HIBCH: variants seen among roughly 807,000 people sequenced by gnomAD.
HIBCH encodes the protein 3-hydroxyisobutyryl-CoA hydrolase, also known as 3-hydroxyisobutyryl-CoA hydrolase, mitochondrial.
HIBCH carries 50 observed loss-of-function variants against 58.2 expected under a neutral mutation model. The ratio of observed to expected loss-of-function variants is 0.86; its 90% CI spans 0.68 to 1.09. The LOEUF (loss-of-function observed/expected upper bound fraction) is 1.09. Among genes scored for constraint, HIBCH ranks in the 50% least tolerant of loss-of-function variants. The pLI is 0.00. For synonymous variants in HIBCH, 151 were observed against 146.9 expected, an observed-to-expected ratio of 1.03 and a Z score of -0.20; for missense variants, 450 against 449.7, an observed-to-expected ratio of 1.00 and a Z score of -0.01.
chr2:190,270,853 T>C (rs1252444862), intron 6 of HIBCH, among the ~76,000 whole-genome samples: 1 of 152,194 alleles, frequency 6.6e-6, no homozygotes, highest in Non-Finnish European at 1.5e-5. Context: ...TTAATATGTA[T>C]ATTGATTATA....
chr2:190,252,895 A>T (rs139474808), intron 7 of HIBCH, among the ~76,000 whole-genome samples: 1 of 152,198 alleles, frequency 6.6e-6, no homozygotes, highest in Non-Finnish European at 1.5e-5. Context: ...AACAACTGAA[A>T]ATAGCATATA....
intron 6 of HIBCH, among the ~76,000 whole-genome samples, chr2:190,273,708 A>ATTT (rs1441258453): frequency 6.9e-5 from 10 of 145,566 alleles, no homozygotes; most frequent in African/African-American, 1.5e-4. Flanking sequence ...TTTTTTTAAA[A>ATTT]AAAAAAGAGA....
At chr2:190,260,248 A>G (rs1329624745) in intron 7 of HIBCH, among the ~76,000 whole-genome samples, 3 of 152,266 alleles carry the variant, frequency 2.0e-5, no homozygotes, top group Admixed American at 2.0e-4. Flanking sequence ...TGATAAAGGT[A>G]AATACAAAAA....
At position 190,207,053 on chromosome 2, in the gene HIBCH, C is replaced by T. The variant is rs1325879592; in HGVS notation, c.1046-1821G>A. 4.6e-5 allele frequency among the ~76,000 whole-genome samples: 7 copies of T among 152,124 alleles called. No individual in the cohort carries two copies. The highest frequency in any genetic ancestry group is 3.9e-4 in the East Asian group (2 of 5,180). ...AGGAGAATGGTGTGAACCCGGGAGG[C>T]GGAGTTTGCAGTGAGCCGAGATTTT... On this transcript the variant is annotated intron_variant, in intron 13 of 13. Coordinates refer to ENST00000359678, the MANE Select transcript of HIBCH (RefSeq NM_014362.4). The surrounding 1 kb of genome is among the most constrained non-coding windows in gnomAD (Gnocchi z 4.5).
rs140939634 is a variant in HIBCH at position 190,291,934 on chromosome 2, T to A, written c.305-1449A>T. 9.3e-3 allele frequency among the ~76,000 whole-genome samples: 1,418 copies of A among 152,346 alleles called. 14 individuals carry two copies. Among genetic ancestry groups the A allele is most frequent in the Middle Eastern group, 0.017 (5 of 294 alleles). Reference sequence around the variant, plus strand: ...TCCTCTTTTATGGGAAAGTATTACATACAAAATGTTGTCTACCAATTCTTA... The same window carrying A: ...TCCTCTTTTATGGGAAAGTATTACAAACAAAATGTTGTCTACCAATTCTTA... On this transcript the variant is annotated intron_variant, in intron 4 of 13. Transcript: ENST00000359678.
intron 9 of HIBCH, among the ~76,000 whole-genome samples, chr2:190,248,050 A>G (rs1294765915): frequency 6.6e-6 from 1 of 152,144 alleles, no homozygotes; most frequent in East Asian, 1.9e-4. Context: ...AATTACCTTT[A>G]TAACATCTGT....
intron 1 of HIBCH, among the ~76,000 whole-genome samples, chr2:190,192,120 T>C (rs569805742): frequency 1.3e-5 from 2 of 152,304 alleles, no homozygotes; most frequent in East Asian, 1.9e-4. Context: ...TTTGAGTTAA[T>C]TTTTCTATAA....
intron 11 of HIBCH, among the ~76,000 whole-genome samples, chr2:190,242,669 A>G (rs563747726): frequency 6.6e-6 from 1 of 152,158 alleles, no homozygotes; most frequent in African/African-American, 2.4e-5. Flanking sequence ...CAGAATGGGT[A>G]GTAGGAGGAG....
chr2:190,229,956 T>C (rs1295741581), intron 11 of HIBCH, among the ~76,000 whole-genome samples: 1 of 152,188 alleles, frequency 6.6e-6, no homozygotes, highest in Non-Finnish European at 1.5e-5. Context: ...ATAATGAATT[T>C]CTATTCTGCA....
Position 190,296,901 on chromosome 2 carries a change from C to T in HIBCH, c.131G>A (p.Gly44Asp). ...AAEEVLLEKKGCTGVITLNRP... is the reference protein window; with the variant it reads ...AAEEVLLEKKDCTGVITLNRP... ...GTTTAGTGTTATGACTCCCGTGCAA[C>T]CTTTTTTTTCCAATAGCACCTCTTC... Residue 44 changes from glycine to aspartate, a missense_variant, in exon 3 of 14, where the codon GGT (glycine) becomes GAT (aspartate). Physicochemically the swap from Gly to Asp is moderately conservative, Grantham distance 94. Coordinates refer to ENST00000359678, the MANE Select transcript of HIBCH (RefSeq NM_014362.4). 1 of 1,613,922 alleles carries T rather than the reference C, an allele frequency of 6.2e-7. No homozygotes were observed. Among genetic ancestry groups the T allele is most frequent in the Non-Finnish European group, 8.5e-7 (1 of 1,179,814 alleles).
intron 6 of HIBCH, among the ~76,000 whole-genome samples, chr2:190,266,353 A>T (rs541683698): frequency 6.6e-6 from 1 of 152,340 alleles, no homozygotes; most frequent in South Asian, 2.1e-4. Context: ...TATTGAAAGA[A>T]ATATGTTCGA....
rs991514611 is a variant in HIBCH, at chr2:190,244,880, A to G, written c.891+7T>C. Reference sequence around the variant, plus strand: ...TTCACTCAGGGCAGAAAGGATTCCAATATTACCTTCAATTGCTCTAGGGCA... The same window carrying G: ...TTCACTCAGGGCAGAAAGGATTCCAGTATTACCTTCAATTGCTCTAGGGCA... On this transcript the variant is annotated splice_region_variant and intron_variant, in intron 11 of 13. Coordinates refer to ENST00000359678, the MANE Select transcript of HIBCH (RefSeq NM_014362.4). 2.5e-6 allele frequency: 4 copies of G among 1,586,320 alleles called. No individual in the cohort carries two copies. The highest frequency in any genetic ancestry group is 1.1e-5 in the South Asian group (1 of 90,546).
intron 6 of HIBCH, among the ~76,000 whole-genome samples, chr2:190,275,436 A>G (rs564161943): frequency 2.0e-5 from 3 of 152,310 alleles, no homozygotes; most frequent in African/African-American, 7.2e-5. Context: ...AGAACTTCAA[A>G]TTTTTTTGTA....
intron 2 of HIBCH, among the ~76,000 whole-genome samples, chr2:190,300,662 T>G (rs1187119412): frequency 2.0e-5 from 3 of 152,192 alleles, no homozygotes; most frequent in African/African-American, 7.2e-5. Flanking sequence ...TTTAATTAGA[T>G]CTCATTTGTC....
intron 6 of HIBCH, among the ~76,000 whole-genome samples, chr2:190,277,699 T>G (rs1243182676): frequency 6.6e-6 from 1 of 152,206 alleles, no homozygotes; most frequent in Non-Finnish European, 1.5e-5. Context: ...AACAGCCATG[T>G]TTCAGCCAAT....
intron 11 of HIBCH, among the ~76,000 whole-genome samples, chr2:190,234,197 C>T (rs140026804): frequency 3.0e-4 from 46 of 152,204 alleles, no homozygotes; most frequent in African/African-American, 1.0e-3. Context: ...GGTGAGAATG[C>T]GGAGCAACTA....
At chr2:190,256,609 A>C (rs1042095664) in intron 7 of HIBCH, among the ~76,000 whole-genome samples, 1 of 152,140 alleles carries the variant, frequency 6.6e-6, no homozygotes, top group Non-Finnish European at 1.5e-5. Context: ...CAATTCAATA[A>C]AAAATTACCA....
chr2:190,263,949 C>T (rs913110937), intron 6 of HIBCH, among the ~76,000 whole-genome samples: 4 of 151,064 alleles, frequency 2.6e-5, no homozygotes, highest in Non-Finnish European at 5.9e-5. Context: ...AAATATATCC[C>T]GGACTGGGCC....
At chr2:190,246,238 T>C in intron 9 of HIBCH, 26 bp from the exon 10 acceptor site, 2 of 1,382,866 alleles carry the variant, frequency 1.4e-6, no homozygotes, top group Non-Finnish European at 2.0e-6. Context: ...AATCTTTTAA[T>C]AAATTTGAAC....
Sources: allele counts gnomAD v4.1 joint callset (sites outside exome capture counted in the v4.1 genomes callset), GRCh38; gene constraint gnomAD v4.1.1; non-coding constraint Gnocchi (gnomAD v3.1); transcripts MANE v1.5; gene names NCBI Gene and HGNC (gene_info 2026-07-23, HGNC 2026-07-21).